Variants in FAM13B observed in about 807,000 individuals in gnomAD.
FAM13B encodes family with sequence similarity 13 member B, also known as protein FAM13B.
Under a neutral mutation model 117.3 loss-of-function variants are expected in FAM13B, and 60 were observed. That is an observed-to-expected ratio of 0.51 (90% CI 0.42 to 0.63). The LOEUF is 0.63. Ranked by LOEUF, FAM13B falls within the 30% of genes least tolerant of loss-of-function variation. The probability of loss-of-function intolerance (pLI) is 0.00; values close to 1 mark genes in which losing one functional copy is unlikely to be tolerated. For synonymous variants in FAM13B, 332 were observed against 356.1 expected (o/e 0.93, Z 0.76); for missense variants, 972 against 1,091.9 (o/e 0.89, Z 1.55).
At chr5:138,027,656 CAAT>C (rs1212874312) in intron 1 of FAM13B, among the ~76,000 whole-genome samples, 1 of 152,218 alleles carries the variant, frequency 6.6e-6, no homozygotes, top group Non-Finnish European at 1.5e-5. Context: ...ACGAATGTCT[CAAT>C]AGTGCATAAA....
chr5:138,047,836 A>G (rs1791686362), intron 1 of FAM13B, among the ~76,000 whole-genome samples: 1 of 152,240 alleles, frequency 6.6e-6, no homozygotes, highest in Non-Finnish European at 1.5e-5. Flanking sequence ...ATTCTTTCCT[A>G]TAGACCCCTA....
rs985354577 is a variant in FAM13B at position 138,020,885 on chromosome 5, G to A, written c.-36+146C>T. Reference sequence around the variant, plus strand: ...AATGCCATACATTTACATAGTCTCAGACAAGCAACATCCATTCTTCAATGT... The same window carrying A: ...AATGCCATACATTTACATAGTCTCAAACAAGCAACATCCATTCTTCAATGT... On this transcript the variant is annotated intron_variant, in intron 2 of 23. Coordinates refer to ENST00000689681, the MANE Select transcript of FAM13B (RefSeq NM_001385994.1). 22 of 453,378 alleles carry A rather than the reference G, an allele frequency of 4.9e-5. No homozygotes were observed. The Admixed American group carries it at 9.0e-4, about 19-fold the overall frequency. 28.1% of individuals were successfully genotyped at this position (453,378 alleles called of 1,614,324 possible). A position where few individuals can be genotyped will look rare whatever the true frequency, so the allele number is the denominator to read the frequency against.
chr5:138,004,541 C>T (rs1181402048), intron 7 of FAM13B, among the ~76,000 whole-genome samples: 2 of 152,196 alleles, frequency 1.3e-5, no homozygotes, highest in East Asian at 3.8e-4. Context: ...CGTGTGGCTA[C>T]TGAGCACTTG....
chr5:137,950,408 A>G (rs1764627989), intron 17 of FAM13B, among the ~76,000 whole-genome samples: 1 of 152,214 alleles, frequency 6.6e-6, no homozygotes, highest in Non-Finnish European at 1.5e-5. Flanking sequence ...GAGGAACAGA[A>G]AAGAGATGAA....
intron 7 of FAM13B, among the ~76,000 whole-genome samples, chr5:138,001,075 T>C (rs181914057): frequency 6.6e-6 from 1 of 152,300 alleles, no homozygotes. Flanking sequence ...CATAAGCTCA[T>C]TGGAGTCCTC....
rs1561521958 is a variant in FAM13B, at chr5:138,007,104, T to A, written c.734A>T (p.Glu245Val). The change falls in exon 7 of 24, where the codon GAA becomes GTA. Residue 245 changes from glutamate (E) to valine (V), a missense_variant. Glu to Val is a moderately radical substitution (Grantham distance 121). Coordinates refer to ENST00000689681, the MANE Select transcript of FAM13B (RefSeq NM_001385994.1). Reference sequence around the variant, plus strand: ...CTCTTCTGGAAGTTCTTCAATATGTTCCAGCTTTTCATCTTCCTCTTCTTC... The same window carrying A: ...CTCTTCTGGAAGTTCTTCAATATGTACCAGCTTTTCATCTTCCTCTTCTTC... The part of the protein sequence containing the change: ...SEEEEEDEKL[E>V]HIEELPEEGA... 1 of 1,612,868 alleles carries A rather than the reference T, an allele frequency of 6.2e-7. No homozygotes were observed.
chr5:137,985,208 T>G, intron 10 of FAM13B, 49 bp downstream of exon 10: 1 of 1,583,842 alleles, frequency 6.3e-7, no homozygotes, highest in Non-Finnish European at 8.6e-7. Flanking sequence ...AAGAAACACA[T>G]GAAGCAATCA....
intron 1 of FAM13B, among the ~76,000 whole-genome samples, chr5:138,042,808 G>A (rs1791534915): frequency 6.6e-6 from 1 of 152,106 alleles, no homozygotes; most frequent in Admixed American, 6.6e-5. Flanking sequence ...AAATTGACCA[G>A]GGGCCAGGCG....
chr5:137,939,797 C>G lies in FAM13B; in HGVS notation c.*428G>C, dbSNP rs1406685849. On this transcript the variant is annotated 3_prime_UTR_variant, in exon 24 of 24. Coordinates refer to ENST00000689681, the MANE Select transcript of FAM13B (RefSeq NM_001385994.1). ...TAGGCTTTTCTTTCAAATTTTCAGT[C>G]ATTCTGTAAGAAAAAGGCAACAGAA... 2.6e-6 allele frequency: 3 copies of G among 1,161,886 alleles called. No homozygotes were observed. The highest frequency in any genetic ancestry group is 3.2e-5 in the African/African-American group (2 of 62,632). 72.0% of individuals were successfully genotyped at this position (1,161,886 alleles called of 1,614,324 possible). A position where few individuals can be genotyped will look rare whatever the true frequency, so the allele number is the denominator to read the frequency against.
chr5:137,967,580 G>C (rs1246056752), intron 10 of FAM13B, among the ~76,000 whole-genome samples: 1 of 152,000 alleles, frequency 6.6e-6, no homozygotes, highest in Non-Finnish European at 1.5e-5. Context: ...AGAAAAATGT[G>C]GATGTGGACA....
intron 7 of FAM13B, among the ~76,000 whole-genome samples, chr5:137,993,206 G>A (rs996339705): frequency 3.9e-5 from 6 of 152,208 alleles, no homozygotes; most frequent in African/African-American, 1.4e-4. Context: ...GAGGGGATGA[G>A]GATTTTGAGA....
chr5:138,011,129 T>G lies in FAM13B; in HGVS notation c.569A>C (p.Asp190Ala). The G allele has an allele frequency of 6.2e-7, 1 of 1,605,810 alleles. No homozygotes were observed. Among genetic ancestry groups the G allele is most frequent in the Non-Finnish European group, 8.5e-7 (1 of 1,178,328 alleles). The change falls in exon 6 of 24, where the codon GAC becomes GCC. Residue 190 changes from aspartate to alanine, a missense_variant. Physicochemically the swap from Asp to Ala is moderately radical, Grantham distance 126 (BLOSUM62 -2). Transcript: ENST00000689681. The part of the protein sequence containing the change: ...DVFHIYTDVE[D>A]MKEQEIVSRI... ...GCTCACTATTTCTTGCTCTTTCATG[T>G]CTTCCACATCTGTGTAAATGCTAAG...
chr5:137,985,285 C>T lies in FAM13B; in HGVS notation c.1151G>A (p.Cys384Tyr), dbSNP rs150913753. Residue 384 changes from cysteine (C) to tyrosine (Y), a missense_variant, in exon 10 of 24, where the codon TGT becomes TAT. Physicochemically the swap from Cys to Tyr is radical, Grantham distance 194. Coordinates refer to ENST00000689681, the MANE Select transcript of FAM13B (RefSeq NM_001385994.1). ...NLDNEAMQQDCVFENEENTQS... is the reference protein window; with the variant it reads ...NLDNEAMQQDYVFENEENTQS... Reference sequence around the variant, plus strand: ...GGTATTTTCTTCATTCTCAAATACACAATCTTGCTGCATAGCTTCATTGTC... The same window carrying T: ...GGTATTTTCTTCATTCTCAAATACATAATCTTGCTGCATAGCTTCATTGTC... The T allele has an allele frequency of 6.6e-5, 107 of 1,613,726 alleles. 1 individual carries two copies. In the African/African-American group the frequency reaches 1.3e-3, roughly 20 times the overall value.
chr5:137,949,633 A>G (rs905639085), intron 17 of FAM13B, among the ~76,000 whole-genome samples: 19 of 152,154 alleles, frequency 1.2e-4, no homozygotes, highest in African/African-American at 4.6e-4. Context: ...TACAAAAGTT[A>G]GCCAGGTGTG....
At chr5:138,018,558 C>A in intron 3 of FAM13B, 44 bp from the exon 4 acceptor site, 1 of 1,521,442 alleles carries the variant, frequency 6.6e-7, no homozygotes, top group Non-Finnish European at 9.1e-7. Flanking sequence ...GCAATGTCAA[C>A]TGCTTGACCA....
chr5:137,997,003 G>T lies in FAM13B; in HGVS notation c.849-8688C>A, dbSNP rs143084565. Among the ~76,000 whole-genome samples, 59 of 152,234 alleles carry T rather than the reference G, an allele frequency of 3.9e-4. 1 individual carries two copies. The East Asian group carries it at 7.1e-3, about 18-fold the overall frequency. Reference sequence around the variant, plus strand: ...TTGGCTTGTGGTTTCTTAAGCATGAGCATAAATTAAAAATTACCTAAACCT... The same window carrying T: ...TTGGCTTGTGGTTTCTTAAGCATGATCATAAATTAAAAATTACCTAAACCT... On this transcript the variant is annotated intron_variant, in intron 7 of 23. Coordinates refer to ENST00000689681, the MANE Select transcript of FAM13B (RefSeq NM_001385994.1).
At position 138,028,876 on chromosome 5, in the gene FAM13B, A is replaced by G. The variant is rs56006487; in HGVS notation, c.-203+3906T>C. On this transcript the variant is annotated intron_variant, in intron 1 of 23. Transcript: ENST00000689681. ...GCTACAAGAAATACAAAAATTAGCC[A>G]GGCATGGTGGCACATGCCTGTGGTC... Among the ~76,000 whole-genome samples the G allele has an allele frequency of 1.4e-3, 219 of 152,310 alleles. 2 individuals carry two copies. Among genetic ancestry groups the G allele is most frequent in the Admixed American group, 2.2e-3 (34 of 15,304 alleles).
intron 10 of FAM13B, among the ~76,000 whole-genome samples, chr5:137,980,186 A>AAG (rs1356261217): frequency 6.6e-6 from 1 of 151,612 alleles, no homozygotes; most frequent in Non-Finnish European, 1.5e-5. Context: ...GAAAAAAAAA[A>AAG]AAAAGAAAGA....
At chr5:137,971,728 GAAAA>G (rs1198528769) in intron 10 of FAM13B, among the ~76,000 whole-genome samples, 1 of 146,760 alleles carries the variant, frequency 6.8e-6, no homozygotes, top group African/African-American at 2.5e-5. Flanking sequence ...GACTAATAAA[GAAAA>G]AAAGAGAGAA....
Sources: gnomAD v4.1 joint callset for allele counts (sites outside exome capture counted in the v4.1 genomes callset) on GRCh38, gnomAD v4.1.1 for gene constraint, MANE v1.5 for transcripts, NCBI Gene and HGNC (gene_info 2026-07-23, HGNC 2026-07-21) for gene names.